Variants in SPANXN4 observed in about 807,000 individuals in gnomAD.
The protein encoded by SPANXN4 is sperm protein associated with the nucleus on the X chromosome N4.
Under a neutral mutation model 6.0 loss-of-function variants are expected in SPANXN4, and 5 were observed. The ratio of observed to expected loss-of-function variants is 0.83; its 90% CI spans 0.44 to 1.75. The LOEUF is 1.75. Ranked by LOEUF, SPANXN4 falls within the 40% of genes most tolerant of loss-of-function variation. The pLI is 0.02. For synonymous variants in SPANXN4, 45 were observed against 38.0 expected, an observed-to-expected ratio of 1.19 and a Z score of -0.68; for missense variants, 157 against 108.6, an observed-to-expected ratio of 1.45 and a Z score of -1.98.
At chrX:143,026,142 CAGAT>C (rs1932776800) in intron 1 of SPANXN4, 50 bp downstream of exon 1, 1 of 1,091,485 alleles carries the variant, frequency 9.2e-7, no homozygotes. Flanking sequence ...GAAAGACACA[CAGAT>C]AGGGCGCGGG....
downstream of SPANXN4, among the ~76,000 whole-genome samples, chrX:143,038,324 C>A (rs5953803): frequency 0.016 from 1,744 of 111,529 alleles, 29 homozygotes; most frequent in African/African-American, 0.054. Flanking sequence ...CTTCTCTTTG[C>A]CTAGAATTAT....
intron 2 of SPANXN4, 117 bp downstream of exon 2, chrX:143,034,428 G>A: frequency 9.1e-7 from 1 of 1,098,928 alleles, no homozygotes; most frequent in Non-Finnish European, 1.2e-6. Context: ...AGATCCACAG[G>A]TTAGCCAGAC....
chrX:143,034,037 C>A lies in SPANXN4; in HGVS notation c.88C>A (p.Leu30Met), dbSNP rs1420639569. The A allele has an allele frequency of 1.7e-6, 2 of 1,172,735 alleles. No individual in the cohort carries two copies. Among genetic ancestry groups the A allele is most frequent in the Admixed American group, 2.5e-5 (1 of 39,307 alleles). Residue 30 changes from leucine to methionine, a missense_variant, in exon 2 of 3, where the codon CTG becomes ATG. Physicochemically the swap from Leu to Met is conservative, Grantham distance 15. Coordinates refer to ENST00000370504, the Ensembl canonical transcript of SPANXN4. ...GTTTTTTTACCAGAAGAAGAAGAAT[C>A]TGCACAGAGCCTCAGCCCCTGAACA...
At chrX:143,038,210 A>G (rs2181706), downstream of SPANXN4, among the ~76,000 whole-genome samples, 35,935 of 110,631 alleles carry the variant, frequency 0.32, 4,308 homozygotes, top group Admixed American at 0.42. Flanking sequence ...TCACTTCATC[A>G]TTCTTTTTTA....
At chrX:143,033,772 G>A (rs766275060) in intron 1 of SPANXN4, among the ~76,000 whole-genome samples, 1 of 111,689 alleles carries the variant, frequency 9.0e-6, no homozygotes, top group South Asian at 3.8e-4. Flanking sequence ...CCCATGGAAT[G>A]TTTCACTTTG....
At chrX:143,027,245 G>A (rs186759498) in intron 1 of SPANXN4, among the ~76,000 whole-genome samples, 49 of 112,458 alleles carry the variant, frequency 4.4e-4, no homozygotes, top group Admixed American at 3.8e-3. Context: ...GGGCATGACA[G>A]AAAATGCTGG....
At position 143,034,112 on chromosome X, in the gene SPANXN4, T is replaced by C; in HGVS notation, c.163T>C (p.Cys55Arg). 2 of 1,179,398 alleles carry C rather than the reference T, an allele frequency of 1.7e-6. No individual in the cohort carries two copies. The highest frequency in any genetic ancestry group is 4.6e-4 in the Middle Eastern group (2 of 4,320). The change falls in exon 2 of 3, where the codon TGC becomes CGC. Residue 55 changes from cysteine (C) to arginine (R), a missense_variant. Cys to Arg is a radical substitution (Grantham distance 180). Transcript: ENST00000370504. Reference sequence around the variant, plus strand: ...AAAATATCCAACATTAGTGTTTTACTGCAGGAAGAATAAGAAAAGAAATTC... The same window carrying C: ...AAAATATCCAACATTAGTGTTTTACCGCAGGAAGAATAAGAAAAGAAATTC...
In SPANXN4 at chrX:143,034,144, A is replaced by G. The variant is rs771224958; in HGVS notation, c.195A>G (p.Gln65=). 10 of 1,178,997 alleles carry G rather than the reference A, an allele frequency of 8.5e-6. No homozygotes were observed. The African/African-American group carries it at 1.8e-4, about 21-fold the overall frequency. ...AGAATAAGAAAAGAAATTCAAATCA[A>G]CTGGAGAATAACCAGCCTACAGAGA... The change falls in exon 2 of 3, where the codon CAA becomes CAG. Residue 65 remains glutamine, a synonymous_variant. Coordinates refer to ENST00000370504, the Ensembl canonical transcript of SPANXN4.
At chrX:143,026,580 A>G (rs763477387) in intron 1 of SPANXN4, among the ~76,000 whole-genome samples, 10 of 111,520 alleles carry the variant, frequency 9.0e-5, no homozygotes, top group African/African-American at 3.3e-4. Context: ...TCATAAAAGG[A>G]AGAGGGACGT....
At chrX:143,033,454 C>T (rs1291727226) in intron 1 of SPANXN4, among the ~76,000 whole-genome samples, 1 of 111,368 alleles carries the variant, frequency 9.0e-6, no homozygotes, top group Non-Finnish European at 1.9e-5. Flanking sequence ...ACTCAAACAG[C>T]AACACAGGTA....
chrX:143,034,766 T>A, downstream of SPANXN4: 1 of 1,055,016 alleles, frequency 9.5e-7, no homozygotes, highest in Non-Finnish European at 1.2e-6. Flanking sequence ...AATAAAATAA[T>A]GGTGTTTGGA....
intron 1 of SPANXN4, among the ~76,000 whole-genome samples, chrX:143,026,649 T>G (rs1932780600): frequency 9.0e-6 from 1 of 111,549 alleles, no homozygotes; most frequent in Non-Finnish European, 1.9e-5. Context: ...GTTTGGGTTT[T>G]GAAGCAGTGG....
intron 1 of SPANXN4, among the ~76,000 whole-genome samples, chrX:143,027,649 A>G (rs1434354452): frequency 2.7e-5 from 3 of 111,130 alleles, no homozygotes; most frequent in Non-Finnish European, 5.7e-5. Flanking sequence ...TTTATTTTGG[A>G]CTGGGTTTAC....
chrX:143,031,404 T>C (rs1932808898), intron 1 of SPANXN4, among the ~76,000 whole-genome samples: 1 of 110,253 alleles, frequency 9.1e-6, no homozygotes. Context: ...GTGATGGTGG[T>C]AGGGGGGTGG....
chrX:143,034,081 A>G (rs767436379), exon 2 of SPANXN4: 1 of 1,178,874 alleles, frequency 8.5e-7, no homozygotes, highest in Non-Finnish European at 1.1e-6. Flanking sequence ...AAGAGACAGA[A>G]AAAGCAAAAT....
At chrX:143,036,205 T>C (rs748897963), downstream of SPANXN4, among the ~76,000 whole-genome samples, 2 of 110,076 alleles carry the variant, frequency 1.8e-5, no homozygotes, top group Non-Finnish European at 3.8e-5. Flanking sequence ...GACCTAGGCA[T>C]ACTCTGATAT....
At chrX:143,037,288 A>G (rs1019937908), downstream of SPANXN4, among the ~76,000 whole-genome samples, 1 of 111,587 alleles carries the variant, frequency 9.0e-6, no homozygotes, top group Non-Finnish European at 1.9e-5. Flanking sequence ...CCCAGAACCT[A>G]CACACTTCAC....
chrX:143,037,836 A>G (rs1328540076), downstream of SPANXN4, among the ~76,000 whole-genome samples: 1 of 111,028 alleles, frequency 9.0e-6, no homozygotes, highest in African/African-American at 3.3e-5. Flanking sequence ...CCTTTCTGCC[A>G]CCTTGTGAAG....
chrX:143,027,229 C>T (rs1932783696), intron 1 of SPANXN4, among the ~76,000 whole-genome samples: 2 of 112,183 alleles, frequency 1.8e-5, no homozygotes, highest in South Asian at 7.5e-4. Context: ...AGGGTAGGCC[C>T]TGTGAGGGCA....
Sources: allele counts gnomAD v4.1 joint callset (sites outside exome capture counted in the v4.1 genomes callset), GRCh38; gene constraint gnomAD v4.1.1; transcripts MANE v1.5; gene names NCBI Gene and HGNC (gene_info 2026-07-23, HGNC 2026-07-21).